SLC22A24: variants seen among roughly 807,000 people sequenced by gnomAD.
SLC22A24 encodes the protein solute carrier family 22 member 24.
SLC22A24 carries 53 observed loss-of-function variants against 49.8 expected under a neutral mutation model. The ratio of observed to expected loss-of-function variants is 1.06; its 90% CI spans 0.85 to 1.34. The LOEUF is 1.34. Ranked by LOEUF, SLC22A24 falls within the 40% of genes most tolerant of loss-of-function variation. SLC22A24 has a pLI of 0.00. For missense variants in SLC22A24, 786 were observed against 675.9 expected (o/e 1.16, Z -1.81); for synonymous variants, 302 against 256.4 (o/e 1.18, Z -1.70).
intron 4 of SLC22A24, among the ~76,000 whole-genome samples, chr11:63,114,808 C>G (rs946121900): frequency 5.3e-5 from 8 of 152,180 alleles, no homozygotes; most frequent in Admixed American, 2.0e-4. Context: ...CTTCTAACAG[C>G]CAGGTCCCTC....
At chr11:63,105,762 C>A (rs937892877) in intron 4 of SLC22A24, among the ~76,000 whole-genome samples, 1 of 152,048 alleles carries the variant, frequency 6.6e-6, no homozygotes, top group Non-Finnish European at 1.5e-5. Context: ...ACATTTTCCT[C>A]ATTTTCTTGG....
chr11:63,123,275 T>C (rs187747409), intron 2 of SLC22A24, among the ~76,000 whole-genome samples: 78 of 152,246 alleles, frequency 5.1e-4, no homozygotes, highest in African/African-American at 1.7e-3. Flanking sequence ...AAGTCAAGGC[T>C]GGAAAACTTA....
At chr11:63,101,423 ATAT>A (rs985441111) in intron 5 of SLC22A24, among the ~76,000 whole-genome samples, 66 of 152,202 alleles carry the variant, frequency 4.3e-4, no homozygotes, top group Admixed American at 2.2e-3. Context: ...ATTGTATATA[ATAT>A]TATACTAGGT....
In SLC22A24 at chr11:63,095,983, G is replaced by A. The variant is rs1463628541; in HGVS notation, c.1070+8C>T. The A allele has an allele frequency of 2.0e-6, 3 of 1,535,792 alleles. No individual in the cohort carries two copies. The highest frequency in any genetic ancestry group is 2.6e-6 in the Non-Finnish European group (3 of 1,133,488). ...TTTTAAAGTGAATCATCACCAAATGGAACTTACCTCACAAAGCACAGGCCG... is the reference window on the plus strand; with the variant it reads ...TTTTAAAGTGAATCATCACCAAATGAAACTTACCTCACAAAGCACAGGCCG... On this transcript the variant is annotated splice_region_variant and intron_variant, in intron 6 of 9. Coordinates refer to ENST00000612278, the MANE Select transcript of SLC22A24 (RefSeq NM_001136506.2).
At position 63,128,060 on chromosome 11, in the gene SLC22A24, A is replaced by T. The variant is rs185742951; in HGVS notation, c.506+6605T>A. The stretch of plus-strand genomic sequence containing the variant: ...TAATAAAGAAAATATATAAAATAAG[A>T]AGAGTTATACTAGATATAGATGATA... On this transcript the variant is annotated intron_variant, in intron 2 of 9. Transcript: ENST00000612278. 2.4e-4 allele frequency among the ~76,000 whole-genome samples: 36 copies of T among 152,028 alleles called. No individual in the cohort carries two copies. The East Asian group carries it at 6.9e-3, about 29-fold the overall frequency.
intron 4 of SLC22A24, among the ~76,000 whole-genome samples, chr11:63,113,217 T>TATATATATATACATATATACAC (rs2087186867): frequency 6.2e-4 from 1 of 1,604 alleles, no homozygotes; most frequent in Non-Finnish European, 5.5e-3. Flanking sequence ...TATATACACA[T>TATATATATATACATATATACAC]ATATATATAT....
At position 63,119,051 on chromosome 11, in the gene SLC22A24, A is replaced by G; in HGVS notation, c.691T>C (p.Ser231Pro). The G allele has an allele frequency of 1.3e-6, 2 of 1,550,804 alleles. No homozygotes were observed. The highest frequency in any genetic ancestry group is 1.7e-6 in the Non-Finnish European group (2 of 1,146,276). ...CATAATAGCACCATTATTGTCATAGATCGTGACCGGGGCAATGTCCACTCT... is the reference window on the plus strand; with the variant it reads ...CATAATAGCACCATTATTGTCATAGGTCGTGACCGGGGCAATGTCCACTCT... ...SLEWTLPRSR[S>P]MTIMVLLCSY... Residue 231 changes from serine to proline, a missense_variant, in exon 4 of 10, where the codon TCT becomes CCT. Transcript: ENST00000612278.
chr11:63,131,747 A>T (rs917401762), intron 2 of SLC22A24, among the ~76,000 whole-genome samples: 5 of 151,972 alleles, frequency 3.3e-5, no homozygotes, highest in African/African-American at 1.2e-4. Context: ...GAATCTGACA[A>T]TTACATGTCT....
At chr11:63,132,516 A>C (rs1344703322) in intron 2 of SLC22A24, among the ~76,000 whole-genome samples, 3 of 152,112 alleles carry the variant, frequency 2.0e-5, no homozygotes, top group African/African-American at 7.2e-5. Flanking sequence ...TCTGTTTGTT[A>C]GTTTTCATTC....
At chr11:63,106,804 AGTTC>A (rs2134654006) in intron 4 of SLC22A24, among the ~76,000 whole-genome samples, 1 of 152,118 alleles carries the variant, frequency 6.6e-6, no homozygotes, top group South Asian at 2.1e-4. Flanking sequence ...AATTTGTTTG[AGTTC>A]GTTGTAGATT....
At chr11:63,093,909 T>G (rs1200618379) in intron 6 of SLC22A24, among the ~76,000 whole-genome samples, 1 of 152,070 alleles carries the variant, frequency 6.6e-6, no homozygotes, top group Non-Finnish European at 1.5e-5. Flanking sequence ...GTCATTGGAA[T>G]TATGAACTTA....
chr11:63,081,926 G>A (rs2086962690), intron 7 of SLC22A24, among the ~76,000 whole-genome samples: 1 of 152,092 alleles, frequency 6.6e-6, no homozygotes, highest in East Asian at 1.9e-4. Context: ...TTAAGGTGGG[G>A]GTAGGGACCA....
chr11:63,124,869 C>T (rs959874504), intron 2 of SLC22A24, among the ~76,000 whole-genome samples: 19 of 151,654 alleles, frequency 1.3e-4, no homozygotes, highest in East Asian at 3.9e-4. Flanking sequence ...AACCAAACAA[C>T]GCATGTTCTC....
At position 63,087,024 on chromosome 11, in the gene SLC22A24, G is replaced by GCGCACACACA. The variant is rs376936925; in HGVS notation, c.1071-3568_1071-3567insTGTGTGTGCG. Among the ~76,000 whole-genome samples, 255 of 132,616 alleles carry GCGCACACACA rather than the reference G, an allele frequency of 1.9e-3. 1 individual carries two copies. Among genetic ancestry groups the GCGCACACACA allele is most frequent in the East Asian group, 7.2e-3 (32 of 4,446 alleles). 87.0% of individuals were successfully genotyped at this position (132,616 alleles called of 152,430 possible). A position where few individuals can be genotyped will look rare whatever the true frequency, so the allele number is the denominator to read the frequency against. Reference sequence around the variant, plus strand: ...AATTAAGCTTTTCTGCCTGGAGGGCGCACACACACACACACACACACACAC... The same window carrying GCGCACACACA: ...AATTAAGCTTTTCTGCCTGGAGGGCGCGCACACACACACACACACACACACACACACACAC... On this transcript the variant is annotated intron_variant, in intron 6 of 9. Coordinates refer to ENST00000612278, the MANE Select transcript of SLC22A24 (RefSeq NM_001136506.2).
chr11:63,143,500 G>T lies in SLC22A24; in HGVS notation c.280C>A (p.Pro94Thr). 4.4e-6 allele frequency: 7 copies of T among 1,601,370 alleles called. No individual in the cohort carries two copies. The highest frequency in any genetic ancestry group is 5.1e-6 in the Non-Finnish European group (6 of 1,174,208). Residue 94 changes from proline to threonine, a missense_variant, in exon 1 of 10, where the codon CCC becomes ACC. Transcript: ENST00000612278. ...RPQKCQRFIH[P>T]QWQLLHLNGT... ...TTCAGGTGAAGGAGCTGCCACTGGGGATGGATAAAGCGCTGACACTTCTGT... is the reference window on the plus strand; with the variant it reads ...TTCAGGTGAAGGAGCTGCCACTGGGTATGGATAAAGCGCTGACACTTCTGT...
chr11:63,130,521 A>G (rs1218702934), intron 2 of SLC22A24, among the ~76,000 whole-genome samples: 2 of 152,116 alleles, frequency 1.3e-5, no homozygotes, highest in Non-Finnish European at 2.9e-5. Context: ...CTCTTTTTCT[A>G]TTAATTGGAA....
In SLC22A24 at chr11:63,113,071, TATATATACAC is replaced by T. The variant is rs1565332067; in HGVS notation, c.830+5831_830+5840del. On this transcript the variant is annotated intron_variant, in intron 4 of 9. Coordinates refer to ENST00000612278, the MANE Select transcript of SLC22A24 (RefSeq NM_001136506.2). ...ATATATATACATATATATATATACA[TATATATACAC>T]ATATATATACATATATATATACATA... is the stretch of plus-strand genomic sequence containing the variant. 9.4e-4 allele frequency among the ~76,000 whole-genome samples: 2 copies of T among 2,124 alleles called. 1 individual carries two copies. Among genetic ancestry groups the T allele is most frequent in the African/African-American group, 1.1e-3 (2 of 1,896 alleles). The allele number at this position is 2,124 out of a possible 152,430, so 1.4% of individuals were successfully genotyped here. A position where few individuals can be genotyped will look rare whatever the true frequency, so the allele number is the denominator to read the frequency against.
chr11:63,135,476 T>C (rs1043058195), intron 1 of SLC22A24, among the ~76,000 whole-genome samples: 3 of 152,226 alleles, frequency 2.0e-5, no homozygotes, highest in Non-Finnish European at 2.9e-5. Flanking sequence ...TTAAATGACA[T>C]AGTAACAGGT....
At chr11:63,110,357 T>G (rs2087154038) in intron 4 of SLC22A24, among the ~76,000 whole-genome samples, 1 of 152,190 alleles carries the variant, frequency 6.6e-6, no homozygotes, top group Non-Finnish European at 1.5e-5. Context: ...ATATGAAGTT[T>G]AAAGTAGTTT....
Sources: gnomAD v4.1 joint callset for allele counts (sites outside exome capture counted in the v4.1 genomes callset) on GRCh38, gnomAD v4.1.1 for gene constraint, MANE v1.5 for transcripts, NCBI Gene and HGNC (gene_info 2026-07-23, HGNC 2026-07-21) for gene names.